Variants in SMYD3 observed in about 807,000 individuals in gnomAD.
SMYD3 encodes SET and MYND domain containing 3.
SMYD3 carries 36 observed loss-of-function variants against 57.7 expected under a neutral mutation model. That is an observed-to-expected ratio of 0.62 (90% CI 0.48 to 0.82). The LOEUF (loss-of-function observed/expected upper bound fraction) is 0.82, where lower values mean the gene tolerates loss of function less well. Among genes scored for constraint, SMYD3 ranks in the 40% least tolerant of loss-of-function variants. SMYD3 has a pLI of 0.00. For synonymous variants in SMYD3, 211 were observed against 195.0 expected (o/e 1.08, Z -0.68); for missense variants, 515 against 538.8 (o/e 0.96, Z 0.44).
intron 5 of SMYD3, among the ~76,000 whole-genome samples, chr1:246,046,002 T>C (rs1210318743): frequency 3.3e-5 from 5 of 152,090 alleles, no homozygotes; most frequent in African/African-American, 1.2e-4. Context: ...TGTGGAGAAA[T>C]AGGAACACTT....
At chr1:246,062,479 C>T (rs1182158675) in intron 5 of SMYD3, among the ~76,000 whole-genome samples, 1 of 152,110 alleles carries the variant, frequency 6.6e-6, no homozygotes. Context: ...AAAAATTGTC[C>T]TAGTGATGAT....
intron 1 of SMYD3, among the ~76,000 whole-genome samples, chr1:246,376,463 T>C (rs528786737): frequency 3.1e-3 from 469 of 150,922 alleles, no homozygotes; most frequent in African/African-American, 0.011. Context: ...TGGTGGCAGG[T>C]GCCTGTAATC....
intron 5 of SMYD3, among the ~76,000 whole-genome samples, chr1:246,165,979 T>A (rs1190269893): frequency 6.6e-6 from 1 of 151,946 alleles, no homozygotes; most frequent in African/African-American, 2.4e-5. Context: ...CATGTGCACA[T>A]CTGAATGGGA....
At chr1:245,965,556 C>A (rs10924414) in intron 5 of SMYD3, among the ~76,000 whole-genome samples, 2 of 151,984 alleles carry the variant, frequency 1.3e-5, no homozygotes, top group African/African-American at 2.4e-5. Context: ...CATCACTAAA[C>A]AGAGATTAGT....
At chr1:246,412,010 C>A (rs2066983877) in intron 1 of SMYD3, among the ~76,000 whole-genome samples, 1 of 151,738 alleles carries the variant, frequency 6.6e-6, no homozygotes, top group Non-Finnish European at 1.5e-5. Flanking sequence ...GTACAGCAGC[C>A]ACTATCCTGT....
chr1:245,852,214 C>CT (rs1451979999), intron 10 of SMYD3, among the ~76,000 whole-genome samples: 1 of 152,232 alleles, frequency 6.6e-6, no homozygotes, highest in Non-Finnish European at 1.5e-5. Flanking sequence ...CCTGCCTCCT[C>CT]TTTTTCAGAG....
At chr1:246,099,089 A>G (rs1295602069) in intron 5 of SMYD3, among the ~76,000 whole-genome samples, 1 of 152,194 alleles carries the variant, frequency 6.6e-6, no homozygotes, top group South Asian at 2.1e-4. Context: ...TATCAGATTT[A>G]ATCTCTTTGG....
At chr1:246,281,678 A>G (rs2064445652) in intron 5 of SMYD3, among the ~76,000 whole-genome samples, 1 of 152,240 alleles carries the variant, frequency 6.6e-6, no homozygotes, top group Admixed American at 6.5e-5. Flanking sequence ...TATTATTGAA[A>G]GAATGTAGCT....
chr1:246,296,656 A>G (rs1388719813), intron 5 of SMYD3, among the ~76,000 whole-genome samples: 1 of 152,154 alleles, frequency 6.6e-6, no homozygotes, highest in East Asian at 1.9e-4. Context: ...TTCTCTATAA[A>G]ATTGGAGCAC....
intron 1 of SMYD3, among the ~76,000 whole-genome samples, chr1:246,418,348 C>T (rs566349313): frequency 1.1e-4 from 16 of 152,314 alleles, no homozygotes; most frequent in African/African-American, 3.4e-4. Flanking sequence ...GCTTCTTCAG[C>T]GCCCTGCTGC....
chr1:246,227,614 C>G (rs921059428), intron 5 of SMYD3, among the ~76,000 whole-genome samples: 2 of 147,734 alleles, frequency 1.4e-5, no homozygotes, highest in Non-Finnish European at 3.0e-5. Flanking sequence ...GACTCCATCT[C>G]AAAAAAAAAG....
intron 10 of SMYD3, among the ~76,000 whole-genome samples, chr1:245,818,371 C>T (rs1460884070): frequency 1.3e-5 from 2 of 152,020 alleles, no homozygotes; most frequent in East Asian, 1.9e-4. Context: ...ACCAGGCCTG[C>T]CCTAAAAGAG....
At chr1:245,763,576 G>A (rs1289925978) in intron 11 of SMYD3, among the ~76,000 whole-genome samples, 1 of 152,132 alleles carries the variant, frequency 6.6e-6, no homozygotes, top group Admixed American at 6.5e-5. Context: ...TCACTGGGTG[G>A]GTGGAAAGGA....
At chr1:246,141,159 T>C (rs974019871) in intron 5 of SMYD3, among the ~76,000 whole-genome samples, 1 of 152,204 alleles carries the variant, frequency 6.6e-6, no homozygotes, top group Non-Finnish European at 1.5e-5. Flanking sequence ...GGACACTAAA[T>C]GTCTTAGGGT....
At chr1:246,411,439 T>C (rs1293026385) in intron 1 of SMYD3, among the ~76,000 whole-genome samples, 5 of 152,086 alleles carry the variant, frequency 3.3e-5, no homozygotes, top group Non-Finnish European at 7.4e-5. Context: ...GATCTAGAAC[T>C]AGAAATACCA....
intron 7 of SMYD3, among the ~76,000 whole-genome samples, chr1:245,926,385 C>G (rs1048076369): frequency 6.6e-6 from 1 of 152,292 alleles, no homozygotes; most frequent in East Asian, 1.9e-4. Flanking sequence ...TGTTTATTCT[C>G]TTAAACTGGT....
intron 5 of SMYD3, among the ~76,000 whole-genome samples, chr1:246,056,595 G>A (rs1572954697): frequency 1.3e-5 from 2 of 151,798 alleles, no homozygotes; most frequent in East Asian, 3.9e-4. Flanking sequence ...TACATGAGGG[G>A]AAATAACAAG....
intron 5 of SMYD3, among the ~76,000 whole-genome samples, chr1:246,211,635 G>C (rs1017597331): frequency 3.9e-5 from 6 of 152,150 alleles, no homozygotes; most frequent in African/African-American, 1.4e-4. Flanking sequence ...AAATAAAAGG[G>C]GGAAGAGGTA....
chr1:246,078,973 C>G (rs10924493), intron 5 of SMYD3, among the ~76,000 whole-genome samples: 18,219 of 151,668 alleles, frequency 0.12, 2,193 homozygotes, highest in African/African-American at 0.31. Flanking sequence ...AGAAGATAGA[C>G]AGTAAACAAA....
Sources: gnomAD v4.1 joint callset for allele counts (sites outside exome capture counted in the v4.1 genomes callset) on GRCh38, gnomAD v4.1.1 for gene constraint, MANE v1.5 for transcripts, NCBI Gene and HGNC (gene_info 2026-07-23, HGNC 2026-07-21) for gene names.